Variants in GATA4 observed in about 807,000 individuals in gnomAD.
GATA4 encodes the protein transcription factor GATA-4.
GATA4 carries 7 observed loss-of-function variants against 37.9 expected under a neutral mutation model. The ratio of observed to expected loss-of-function variants is 0.18; its 90% CI spans 0.11 to 0.35. GATA4 has a LOEUF of 0.35. GATA4 is among the 10% of genes least tolerant of loss of function. The pLI is 1.00. For missense variants in GATA4, 647 were observed against 653.0 expected, an observed-to-expected ratio of 0.99 and a Z score of 0.10; for synonymous variants, 372 against 292.6, an observed-to-expected ratio of 1.27 and a Z score of -2.77.
upstream of GATA4, chr8:11,691,937 A>C: frequency 1.1e-6 from 1 of 875,060 alleles, no homozygotes; most frequent in Non-Finnish European, 1.4e-6. Context: ...ATCAAAAACC[A>C]CTTCAGACCA....
chr8:11,700,089 G>A (rs1799624582), upstream of GATA4, among the ~76,000 whole-genome samples: 1 of 152,146 alleles, frequency 6.6e-6, no homozygotes, highest in Non-Finnish European at 1.5e-5. Context: ...AGGTGAGGGC[G>A]ATAACACCGT....
At chr8:11,741,527 C>T (rs1801739510) in intron 2 of GATA4, among the ~76,000 whole-genome samples, 1 of 152,034 alleles carries the variant, frequency 6.6e-6, no homozygotes, top group Non-Finnish European at 1.5e-5. Context: ...TGCAACAGTC[C>T]ACAAGTTCGC....
intron 2 of GATA4, among the ~76,000 whole-genome samples, chr8:11,717,519 C>G (rs980991138): frequency 2.0e-4 from 31 of 152,154 alleles, no homozygotes; most frequent in African/African-American, 6.8e-4. Context: ...GTAAACAGCC[C>G]TGGTTTGGAA....
intron 2 of GATA4, among the ~76,000 whole-genome samples, chr8:11,739,999 T>C (rs1312980534): frequency 2.0e-5 from 3 of 152,146 alleles, no homozygotes; most frequent in Non-Finnish European, 4.4e-5. Flanking sequence ...AACAAGGCAG[T>C]GGACAGGGAA....
chr8:11,710,128 C>T (rs1013334284), intron 2 of GATA4, among the ~76,000 whole-genome samples: 17 of 152,142 alleles, frequency 1.1e-4, no homozygotes, highest in African/African-American at 2.7e-4. Context: ...TTTAAATTGT[C>T]CTCTGGCCCT....
intron 2 of GATA4, among the ~76,000 whole-genome samples, chr8:11,716,652 CACAA>C (rs1394479434): frequency 2.6e-5 from 4 of 152,198 alleles, no homozygotes; most frequent in Non-Finnish European, 2.9e-5. Context: ...CACTTGTGGG[CACAA>C]ACAGTCACGT....
intron 2 of GATA4, among the ~76,000 whole-genome samples, chr8:11,725,014 T>G (rs1189675859): frequency 6.6e-6 from 1 of 152,260 alleles, no homozygotes. Context: ...TGGGTCATCC[T>G]GACGTTGCCC....
chr8:11,735,620 T>C (rs1163426059), intron 2 of GATA4, among the ~76,000 whole-genome samples: 2 of 152,148 alleles, frequency 1.3e-5, no homozygotes, highest in Admixed American at 1.3e-4. Context: ...TGGAGTGCAA[T>C]GGTGCAATCT....
At chr8:11,687,296 G>GT (rs1328401468) in intron 1 of GATA4, among the ~76,000 whole-genome samples, 2 of 151,982 alleles carry the variant, frequency 1.3e-5, no homozygotes, top group Non-Finnish European at 2.9e-5. Context: ...CTCAGGCACA[G>GT]TTTTTTTTAG....
chr8:11,691,947 A>G (rs994498000), upstream of GATA4: 4 of 924,480 alleles, frequency 4.3e-6, no homozygotes, highest in African/African-American at 5.4e-5. Context: ...ACTTCAGACC[A>G]TAAATGCTCC....
Position 11,680,684 on chromosome 8 carries a change from C to A in GATA4, c.-274+3621C>A, listed in dbSNP as rs147648850. ...GTCGCCCTTTGCGTCAGAGACCCCC[C>A]CCTTGGGGAGACCGGAATCCTCCAG... On this transcript the variant is annotated intron_variant, in intron 1 of 6. Coordinates refer to the GATA4 transcript ENST00000528712. The A allele has an allele frequency of 1.5e-4, 151 of 985,328 alleles. 2 individuals carry two copies. Among genetic ancestry groups the A allele is most frequent in the Middle Eastern group, 5.2e-4 (1 of 1,914 alleles). 61.0% of individuals were successfully genotyped at this position (985,328 alleles called of 1,614,324 possible).
intron 2 of GATA4, among the ~76,000 whole-genome samples, chr8:11,719,589 T>A (rs1216438145): frequency 6.6e-6 from 1 of 152,152 alleles, no homozygotes. Context: ...AATGTAAAAA[T>A]AATTGGTAAT....
rs149401108 is a variant in GATA4, at chr8:11,714,737, C to G, written c.616+5809C>G. 2.6e-4 allele frequency among the ~76,000 whole-genome samples: 39 copies of G among 152,246 alleles called. No homozygotes were observed. In the East Asian group the frequency reaches 6.7e-3, roughly 26 times the overall value. On this transcript the variant is annotated intron_variant, in intron 2 of 6. Coordinates refer to ENST00000532059, the MANE Select transcript of GATA4 (RefSeq NM_001308093.3). ...CTAAGCACTCAGGTGGAATGATGCC[C>G]GGGAGACAGTTCTAGATAACGCTTT...
At chr8:11,746,536 C>G (rs1436488136) in intron 2 of GATA4, among the ~76,000 whole-genome samples, 1 of 152,182 alleles carries the variant, frequency 6.6e-6, no homozygotes, top group East Asian at 1.9e-4. Flanking sequence ...TTGCGAACAC[C>G]CAACAAAACG....
Position 11,749,970 on chromosome 8 carries a change from C to G in GATA4, c.787-141C>G. 2 of 1,109,986 alleles carry G rather than the reference C, an allele frequency of 1.8e-6. No homozygotes were observed. Among genetic ancestry groups the G allele is most frequent in the Non-Finnish European group, 2.7e-6 (2 of 750,226 alleles). 68.8% of individuals were successfully genotyped at this position (1,109,986 alleles called of 1,614,324 possible). A position where few individuals can be genotyped will look rare whatever the true frequency, so the allele number is the denominator to read the frequency against. On this transcript the variant is annotated intron_variant, in intron 3 of 6. Transcript: ENST00000532059. This position sits in a 1 kb window ranked among gnomAD's most constrained non-coding sequence, Gnocchi z 4.6. ...GTGACAGGAGAGTTAGGTGCCGTCA[C>G]AGGTCAGAGATCTCATGCAGGGTCG...
At chr8:11,693,105 C>G (rs1799375541) in intron 1 of GATA4, 1 of 975,046 alleles carries the variant, frequency 1.0e-6, no homozygotes, top group Non-Finnish European at 1.2e-6. Context: ...TATTCCACTT[C>G]TTAATCCCAG....
chr8:11,740,039 T>C (rs1482412513), intron 2 of GATA4, among the ~76,000 whole-genome samples: 1 of 152,166 alleles, frequency 6.6e-6, no homozygotes, highest in Non-Finnish European at 1.5e-5. Flanking sequence ...TCGCATGCAG[T>C]CCCCAGAGGC....
chr8:11,695,538 C>T (rs1474232166), intron 1 of GATA4, among the ~76,000 whole-genome samples: 1 of 152,210 alleles, frequency 6.6e-6, no homozygotes, highest in Non-Finnish European at 1.5e-5. Context: ...GTCCTACGCT[C>T]AAGGGGCCAA....
At chr8:11,679,289 A>C (rs17808884) in intron 1 of GATA4, among the ~76,000 whole-genome samples, 22,629 of 141,530 alleles carry the variant, frequency 0.16, 2,148 homozygotes, top group Admixed American at 0.29. Context: ...AATTCGGGCA[A>C]TTTTTCTGAA....
Sources: allele counts gnomAD v4.1 joint callset (sites outside exome capture counted in the v4.1 genomes callset), GRCh38; gene constraint gnomAD v4.1.1; non-coding constraint Gnocchi (gnomAD v3.1); transcripts MANE v1.5; gene names NCBI Gene and HGNC (gene_info 2026-07-23, HGNC 2026-07-21).